Variants in ZNF521 observed in about 807,000 individuals in gnomAD.
The protein encoded by ZNF521 is LYST-interacting protein 3.
Under a neutral mutation model 105.5 loss-of-function variants are expected in ZNF521, and 14 were observed. The ratio of observed to expected loss-of-function variants is 0.13; its 90% CI spans 0.09 to 0.21. The LOEUF (loss-of-function observed/expected upper bound fraction) is 0.21, where lower values mean the gene tolerates loss of function less well. Among genes scored for constraint, ZNF521 ranks in the 10% least tolerant of loss-of-function variants. The probability of loss-of-function intolerance (pLI) is 1.00; values close to 1 mark genes in which losing one functional copy is unlikely to be tolerated. For missense variants in ZNF521, 1,233 were observed against 1,629.7 expected (o/e 0.76, Z 4.19); for synonymous variants, 635 against 606.0 (o/e 1.05, Z -0.70).
At chr18:25,327,265 C>G (rs1332649152) in intron 2 of ZNF521, 1 of 188,386 alleles carries the variant, frequency 5.3e-6, no homozygotes, top group African/African-American at 2.4e-5. Context: ...AATAAGTAAA[C>G]AAATAATTCA....
intron 3 of ZNF521, among the ~76,000 whole-genome samples, chr18:25,279,759 C>A (rs1345194469): frequency 6.6e-6 from 1 of 152,056 alleles, no homozygotes; most frequent in African/African-American, 2.4e-5. Flanking sequence ...GTATTTTTAT[C>A]TTGGGGTTCT....
intron 2 of ZNF521, among the ~76,000 whole-genome samples, chr18:25,323,842 A>G (rs2145152397): frequency 6.6e-6 from 1 of 152,084 alleles, no homozygotes; most frequent in African/African-American, 2.4e-5. Flanking sequence ...TCAATAAACA[A>G]CTATATCACC....
chr18:25,194,659 G>C (rs1355500800), intron 5 of ZNF521, among the ~76,000 whole-genome samples: 5 of 151,620 alleles, frequency 3.3e-5, no homozygotes, highest in African/African-American at 1.2e-4. Flanking sequence ...TTATGATCAT[G>C]ATTATTTCCA....
chr18:25,277,500 C>G (rs750422591), intron 3 of ZNF521, among the ~76,000 whole-genome samples: 4 of 152,142 alleles, frequency 2.6e-5, no homozygotes, highest in East Asian at 1.9e-4. Flanking sequence ...AAGAGAAACT[C>G]GGACCCTCAA....
chr18:25,096,548 T>G (rs2033855454), intron 5 of ZNF521, among the ~76,000 whole-genome samples: 1 of 152,194 alleles, frequency 6.6e-6, no homozygotes, highest in Admixed American at 6.5e-5. Flanking sequence ...GCCTCCAGAC[T>G]GTGTGTCCCA....
At chr18:25,091,926 G>A in intron 6 of ZNF521, 24 bp downstream of exon 6, 1 of 1,612,386 alleles carries the variant, frequency 6.2e-7, no homozygotes, top group Non-Finnish European at 8.5e-7. Context: ...CCTCTCCTGT[G>A]TCTTCCTGAA....
intron 5 of ZNF521, among the ~76,000 whole-genome samples, chr18:25,145,545 G>C (rs1017890515): frequency 6.6e-6 from 1 of 152,070 alleles, no homozygotes; most frequent in African/African-American, 2.4e-5. Flanking sequence ...TATTTGAGTG[G>C]TAGGAGTGCT....
chr18:25,156,618 T>A (rs975445110), intron 5 of ZNF521, among the ~76,000 whole-genome samples: 3 of 152,220 alleles, frequency 2.0e-5, no homozygotes, highest in African/African-American at 7.2e-5. Flanking sequence ...AGTATTTTCT[T>A]CATCTGATGA....
At chr18:25,315,123 C>A (rs1912529390) in intron 3 of ZNF521, among the ~76,000 whole-genome samples, 1 of 152,148 alleles carries the variant, frequency 6.6e-6, no homozygotes, top group Non-Finnish European at 1.5e-5. Flanking sequence ...GCTTTTCCTT[C>A]TTTAAATATA....
chr18:25,150,211 A>G (rs149812022), intron 5 of ZNF521, among the ~76,000 whole-genome samples: 2,568 of 152,298 alleles, frequency 0.017, 50 homozygotes, highest in South Asian at 0.031. Context: ...GTTCTCACTC[A>G]TAAGTGGGAA....
intron 4 of ZNF521, among the ~76,000 whole-genome samples, chr18:25,223,483 A>C (rs1266585318): frequency 6.6e-6 from 1 of 152,196 alleles, no homozygotes; most frequent in Non-Finnish European, 1.5e-5. Context: ...TGGGGTTTTC[A>C]TTTGGATGGA....
intron 5 of ZNF521, among the ~76,000 whole-genome samples, chr18:25,117,359 C>T (rs2034349478): frequency 6.6e-6 from 1 of 151,982 alleles, no homozygotes; most frequent in African/African-American, 2.4e-5. Flanking sequence ...AAGAATGTAT[C>T]AGAATCCATC....
chr18:25,113,793 C>CACACACACACACACACACAG lies in ZNF521; in HGVS notation c.3659-21713_3659-21712insCTGTGTGTGTGTGTGTGTGT, dbSNP rs1053377440. On this transcript the variant is annotated intron_variant, in intron 5 of 7. Coordinates refer to ENST00000361524, the MANE Select transcript of ZNF521 (RefSeq NM_015461.3). ...ACACACACACACACACACACACACA[C>CACACACACACACACACACAG]AGAGACGGGGGAGAGAGCAGGGCCT... 7.4e-5 allele frequency among the ~76,000 whole-genome samples: 11 copies of CACACACACACACACACACAG among 147,970 alleles called. No individual in the cohort carries two copies. The South Asian group carries it at 1.5e-3, about 20-fold the overall frequency.
intron 5 of ZNF521, among the ~76,000 whole-genome samples, chr18:25,125,630 G>GGT (rs148038596): frequency 5.3e-5 from 8 of 151,178 alleles, no homozygotes; most frequent in Admixed American, 2.0e-4. Flanking sequence ...GGGCACTAAT[G>GGT]GTGTGTGTGT....
intron 5 of ZNF521, among the ~76,000 whole-genome samples, chr18:25,174,317 A>AC (rs1342585351): frequency 6.6e-6 from 1 of 152,112 alleles, no homozygotes; most frequent in Non-Finnish European, 1.5e-5. Context: ...AGATCTCTCC[A>AC]CCCTGGTCAG....
intron 5 of ZNF521, among the ~76,000 whole-genome samples, chr18:25,126,657 G>A (rs1160777495): frequency 1.3e-5 from 2 of 151,974 alleles, no homozygotes; most frequent in Non-Finnish European, 2.9e-5. Context: ...TATTTAAGTG[G>A]ATAAAAGTCT....
chr18:25,152,491 G>T (rs944198769), intron 5 of ZNF521, among the ~76,000 whole-genome samples: 7 of 138,306 alleles, frequency 5.1e-5, no homozygotes, highest in Non-Finnish European at 7.9e-5. Context: ...AAAAAAAAAA[G>T]AAAAAAAAAA....
At chr18:25,348,855 C>T (rs764267387) in intron 2 of ZNF521, among the ~76,000 whole-genome samples, 1 of 152,100 alleles carries the variant, frequency 6.6e-6, no homozygotes, top group South Asian at 2.1e-4. Context: ...ACCTGCCCAG[C>T]GAATACCGTC....
chr18:25,337,661 G>A (rs770335228), intron 2 of ZNF521, among the ~76,000 whole-genome samples: 1 of 152,174 alleles, frequency 6.6e-6, no homozygotes, highest in Non-Finnish European at 1.5e-5. Flanking sequence ...GCTGCCAACT[G>A]CAGTGTGAAT....
Sources: allele counts gnomAD v4.1 joint callset (sites outside exome capture counted in the v4.1 genomes callset), GRCh38; gene constraint gnomAD v4.1.1; transcripts MANE v1.5; gene names NCBI Gene and HGNC (gene_info 2026-07-23, HGNC 2026-07-21).